Variants in DLGAP1 observed in about 807,000 individuals in gnomAD.
The protein encoded by DLGAP1 is disks large-associated protein 1.
Under a neutral mutation model 90.8 loss-of-function variants are expected in DLGAP1, and 11 were observed. The observed-to-expected ratio is 0.12, with a 90% CI of 0.08 to 0.20. DLGAP1 has a LOEUF of 0.20. Among genes scored for constraint, DLGAP1 ranks in the 10% least tolerant of loss-of-function variants. The probability of loss-of-function intolerance (pLI) is 1.00; values close to 1 mark genes in which losing one functional copy is unlikely to be tolerated. For missense variants in DLGAP1, 1,050 were observed against 1,333.8 expected (o/e 0.79, Z 3.31); for synonymous variants, 558 against 540.7 (o/e 1.03, Z -0.44).
chr18:4,217,009 A>G (rs2077972396), intron 1 of DLGAP1, among the ~76,000 whole-genome samples: 1 of 152,070 alleles, frequency 6.6e-6, no homozygotes, highest in Admixed American at 6.6e-5. Flanking sequence ...TCACTGCCCT[A>G]AATATCTCCT....
chr18:3,972,662 C>G (rs9947660), intron 3 of DLGAP1, among the ~76,000 whole-genome samples: 60,042 of 151,990 alleles, frequency 0.4, 12,055 homozygotes, highest in Non-Finnish European at 0.42. Context: ...TAAGAAGCAA[C>G]TATTGAGCAC....
intron 2 of DLGAP1, among the ~76,000 whole-genome samples, chr18:4,036,403 T>C (rs2149139000): frequency 6.6e-6 from 1 of 152,322 alleles, no homozygotes; most frequent in South Asian, 2.1e-4. Flanking sequence ...TTATTAAACA[T>C]AGTTAGAAAA....
chr18:4,205,462 C>A (rs760771020), intron 1 of DLGAP1, among the ~76,000 whole-genome samples: 12 of 152,176 alleles, frequency 7.9e-5, no homozygotes, highest in Non-Finnish European at 1.6e-4. Flanking sequence ...ATATGATAGC[C>A]ACTATCTACC....
rs768880582 is a variant in DLGAP1 at position 3,567,597 on chromosome 18, A to C, written c.1966-16T>G. 1 of 1,606,602 alleles carries C rather than the reference A, an allele frequency of 6.2e-7. No individual in the cohort carries two copies. The highest frequency in any genetic ancestry group is 8.5e-7 in the Non-Finnish European group (1 of 1,174,170). Reference sequence around the variant, plus strand: ...CATCATCCACCTGGAGAAATCATCAAATAAATAGAGTTGTTCCATTTCAGT... The same window carrying C: ...CATCATCCACCTGGAGAAATCATCACATAAATAGAGTTGTTCCATTTCAGT... On this transcript the variant is annotated splice_polypyrimidine_tract_variant and intron_variant, in intron 8 of 12. Coordinates refer to ENST00000315677, the MANE Select transcript of DLGAP1 (RefSeq NM_004746.4).
chr18:3,637,137 A>T (rs1483963335), intron 7 of DLGAP1, among the ~76,000 whole-genome samples: 2 of 152,108 alleles, frequency 1.3e-5, no homozygotes, highest in African/African-American at 2.4e-5. Context: ...ATTATCCAAT[A>T]GGCAACAGTG....
chr18:3,625,949 T>C (rs113088621), intron 7 of DLGAP1, among the ~76,000 whole-genome samples: 29 of 152,206 alleles, frequency 1.9e-4, no homozygotes, highest in African/African-American at 7.0e-4. Context: ...TCCAAAAGCA[T>C]AAATTAATTC....
chr18:3,752,798 A>T (rs556145747), intron 5 of DLGAP1, among the ~76,000 whole-genome samples: 33 of 151,882 alleles, frequency 2.2e-4, no homozygotes, highest in African/African-American at 8.0e-4. Flanking sequence ...GGTGCAAGCC[A>T]CTGCATCCAG....
At chr18:3,933,041 C>T (rs2072553848) in intron 3 of DLGAP1, among the ~76,000 whole-genome samples, 1 of 152,172 alleles carries the variant, frequency 6.6e-6, no homozygotes, top group African/African-American at 2.4e-5. Flanking sequence ...TCTACAGATT[C>T]CATGGGGAAA....
chr18:4,427,578 C>A (rs571721824), intron 1 of DLGAP1, among the ~76,000 whole-genome samples: 10 of 152,258 alleles, frequency 6.6e-5, no homozygotes, highest in African/African-American at 2.4e-4. Context: ...GAGTCCCTTG[C>A]TGCCATCAAA....
At chr18:4,180,102 C>G (rs954890611) in intron 1 of DLGAP1, among the ~76,000 whole-genome samples, 1 of 152,166 alleles carries the variant, frequency 6.6e-6, no homozygotes, top group Non-Finnish European at 1.5e-5. Flanking sequence ...CACAATCATG[C>G]GTGCATCAAA....
At chr18:3,806,278 G>T (rs2066554971) in intron 5 of DLGAP1, among the ~76,000 whole-genome samples, 2 of 152,220 alleles carry the variant, frequency 1.3e-5, no homozygotes, top group Non-Finnish European at 2.9e-5. Context: ...AGGCAATGCA[G>T]ATTTTTCTCA....
chr18:3,994,350 G>A (rs1342893586), intron 3 of DLGAP1, among the ~76,000 whole-genome samples: 1 of 152,172 alleles, frequency 6.6e-6, no homozygotes, highest in Non-Finnish European at 1.5e-5. Context: ...GGCCTAGAGT[G>A]GCGAGGGCTT....
chr18:3,530,041 T>G (rs1820481458), intron 10 of DLGAP1, among the ~76,000 whole-genome samples: 1 of 152,082 alleles, frequency 6.6e-6, no homozygotes, highest in South Asian at 2.1e-4. Flanking sequence ...TTGAGAGAGG[T>G]AGATCAAGTC....
rs2077908737 is a variant in DLGAP1, at chr18:4,214,388, C to T, written c.-266-63101G>A. 2.0e-5 allele frequency among the ~76,000 whole-genome samples: 3 copies of T among 152,026 alleles called. No individual in the cohort carries two copies. The South Asian group carries it at 6.2e-4, about 32-fold the overall frequency. The stretch of plus-strand genomic sequence containing the variant: ...ACTCTGATTTTATTCATAGGGTGGC[C>T]CATTTTTCCTATTCATTCAGCAAGA... On this transcript the variant is annotated intron_variant, in intron 1 of 12. Coordinates refer to ENST00000315677, the MANE Select transcript of DLGAP1 (RefSeq NM_004746.4).
rs150412031 is a variant in DLGAP1, at chr18:4,048,599, G to A, written c.-158-43398C>T. On this transcript the variant is annotated intron_variant, in intron 2 of 12. Transcript: ENST00000315677. ...TTTGACAAACAAATCCTACAATGTC[G>A]ATAGACTGAGAGAATCTGAAAACTG... Among the ~76,000 whole-genome samples the A allele has an allele frequency of 4.1e-3, 626 of 152,220 alleles. 4 individuals carry two copies. Among genetic ancestry groups the A allele is most frequent in the Middle Eastern group, 0.014 (4 of 294 alleles).
At chr18:4,244,727 T>C (rs2078618197) in intron 1 of DLGAP1, among the ~76,000 whole-genome samples, 1 of 152,190 alleles carries the variant, frequency 6.6e-6, no homozygotes, top group African/African-American at 2.4e-5. Context: ...TATGTCACCA[T>C]CAACATCACA....
intron 3 of DLGAP1, among the ~76,000 whole-genome samples, chr18:3,926,689 T>G (rs752512239): frequency 2.0e-5 from 3 of 152,136 alleles, no homozygotes; most frequent in Non-Finnish European, 4.4e-5. Context: ...GAGATGTGTC[T>G]GCATGTATGT....
chr18:4,432,201 G>T (rs1380423140), intron 1 of DLGAP1, among the ~76,000 whole-genome samples: 1 of 152,146 alleles, frequency 6.6e-6, no homozygotes, highest in East Asian at 1.9e-4. Context: ...CAAGAATTTT[G>T]TTGGGCATGG....
At chr18:4,129,349 A>G (rs2076279675) in intron 2 of DLGAP1, among the ~76,000 whole-genome samples, 2 of 152,126 alleles carry the variant, frequency 1.3e-5, no homozygotes, top group South Asian at 4.1e-4. Context: ...AGTTTGGGCA[A>G]GCATATGGCT....
Sources: gnomAD v4.1 joint callset for allele counts (sites outside exome capture counted in the v4.1 genomes callset) on GRCh38, gnomAD v4.1.1 for gene constraint, MANE v1.5 for transcripts, NCBI Gene and HGNC (gene_info 2026-07-23, HGNC 2026-07-21) for gene names.